Variants in PTPRG observed in about 807,000 individuals in gnomAD.
PTPRG encodes the protein receptor-type tyrosine-protein phosphatase gamma.
A neutral mutation model predicts 165.3 loss-of-function variants in PTPRG; 102 were observed. That is an observed-to-expected ratio of 0.62 (90% CI 0.53 to 0.73). The LOEUF (loss-of-function observed/expected upper bound fraction) is 0.73, where lower values mean the gene tolerates loss of function less well. Ranked by LOEUF, PTPRG falls within the 30% of genes least tolerant of loss-of-function variation. PTPRG has a pLI of 0.00. For synonymous variants in PTPRG, 675 were observed against 669.5 expected (o/e 1.01, Z -0.13); for missense variants, 1,866 against 1,861.4 (o/e 1.00, Z -0.05).
chr3:61,634,500 G>A (rs547774560), intron 1 of PTPRG, among the ~76,000 whole-genome samples: 1 of 151,902 alleles, frequency 6.6e-6, no homozygotes, highest in East Asian at 1.9e-4. Flanking sequence ...ACCTCCGAAA[G>A]TGTTGGGATT....
At chr3:61,866,623 C>T (rs538026922) in intron 2 of PTPRG, among the ~76,000 whole-genome samples, 21 of 71,500 alleles carry the variant, frequency 2.9e-4, no homozygotes, top group Middle Eastern at 0.031. Flanking sequence ...TTTTTTGAGA[C>T]GGAGTCTTGG....
intron 2 of PTPRG, among the ~76,000 whole-genome samples, chr3:61,751,972 T>C (rs2033451697): frequency 1.3e-5 from 2 of 151,734 alleles, no homozygotes; most frequent in South Asian, 4.2e-4. Context: ...CCAGCCTGGG[T>C]GACATAGCAT....
rs532697669 is a variant in PTPRG at position 61,572,551 on chromosome 3, G to A, written c.85+10179G>A. 4.1e-4 allele frequency among the ~76,000 whole-genome samples: 63 copies of A among 152,224 alleles called. 1 individual carries two copies. The highest frequency in any genetic ancestry group is 1.5e-3 in the African/African-American group (62 of 41,540). ...AAAAAATAAATTAAAAATTAAGAAT[G>A]CATTAAAAATCAGTCATTTTGCATT... On this transcript the variant is annotated intron_variant, in intron 1 of 29. Coordinates refer to ENST00000474889, the MANE Select transcript of PTPRG (RefSeq NM_002841.4).
At chr3:61,855,049 G>A (rs2037062300) in intron 2 of PTPRG, among the ~76,000 whole-genome samples, 1 of 152,072 alleles carries the variant, frequency 6.6e-6, no homozygotes, top group Admixed American at 6.6e-5. Context: ...TATTTTCACT[G>A]CATCAGAAGG....
intron 2 of PTPRG, among the ~76,000 whole-genome samples, chr3:61,888,152 A>G (rs1459519876): frequency 6.6e-6 from 1 of 152,194 alleles, no homozygotes; most frequent in Non-Finnish European, 1.5e-5. Context: ...GAAAAGTACA[A>G]AAACCGTCTG....
chr3:61,772,608 C>G (rs1380060416), intron 2 of PTPRG, among the ~76,000 whole-genome samples: 2 of 152,040 alleles, frequency 1.3e-5, no homozygotes, highest in Non-Finnish European at 2.9e-5. Context: ...TTGGTGACAT[C>G]ATTCTCTTCA....
chr3:61,995,909 C>T (rs1037280053), intron 3 of PTPRG, among the ~76,000 whole-genome samples: 1 of 151,958 alleles, frequency 6.6e-6, no homozygotes, highest in Non-Finnish European at 1.5e-5. Context: ...CGGATCTCTC[C>T]ACGAGCCTTT....
intron 5 of PTPRG, among the ~76,000 whole-genome samples, chr3:62,101,088 C>A (rs1032059662): frequency 3.3e-5 from 5 of 152,128 alleles, no homozygotes; most frequent in African/African-American, 1.2e-4. Flanking sequence ...GGGTTTGCTT[C>A]AGCATAATTG....
intron 1 of PTPRG, among the ~76,000 whole-genome samples, chr3:61,594,271 G>C (rs565324447): frequency 6.6e-6 from 1 of 151,938 alleles, no homozygotes; most frequent in African/African-American, 2.4e-5. Context: ...GGAGGGCGCC[G>C]GGTGGATTAC....
rs544328353 is a variant in PTPRG at position 61,848,112 on chromosome 3, C to A, written c.190+99130C>A. On this transcript the variant is annotated intron_variant, in intron 2 of 29. Transcript: ENST00000474889. ...CCTGGTTTTGAGCTGTGGCTGAGGACGTAGGCAATTCTCATGCACACTTTG... is the reference window on the plus strand; with the variant it reads ...CCTGGTTTTGAGCTGTGGCTGAGGAAGTAGGCAATTCTCATGCACACTTTG... Among the ~76,000 whole-genome samples, 8 of 152,300 alleles carry A rather than the reference C, an allele frequency of 5.3e-5. No individual in the cohort carries two copies. The East Asian group carries it at 1.5e-3, about 29-fold the overall frequency.
intron 2 of PTPRG, among the ~76,000 whole-genome samples, chr3:61,880,276 C>T (rs2037848185): frequency 6.6e-6 from 1 of 152,184 alleles, no homozygotes; most frequent in South Asian, 2.1e-4. Context: ...ACTATCTCCC[C>T]ACTGCTACCT....
In PTPRG at chr3:62,218,943, G is replaced by C. The variant is rs777373171; in HGVS notation, c.2248G>C (p.Val750Leu). The C allele has an allele frequency of 1.9e-6, 3 of 1,614,040 alleles. No individual in the cohort carries two copies. Among genetic ancestry groups the C allele is most frequent in the East Asian group, 4.5e-5 (2 of 44,860 alleles). ...PLIVVSALTFVCLILLIAVLV... is the reference protein window; with the variant it reads ...PLIVVSALTFLCLILLIAVLV... Reference sequence around the variant, plus strand: ...GATTGTGGTATCAGCCTTGACCTTCGTGTGCCTCATCCTTCTCATTGCTGT... The same window carrying C: ...GATTGTGGTATCAGCCTTGACCTTCCTGTGCCTCATCCTTCTCATTGCTGT... Residue 750 changes from valine (V) to leucine (L), a missense_variant, in exon 13 of 30, where the codon GTG becomes CTG. This residue lies in a region of PTPRG where 1,452 missense variants were observed against 1,463.0 expected (regional missense o/e 0.99). Transcript: ENST00000474889.
chr3:62,281,538 C>CGTTTTTTTTTTTTTTT, intron 26 of PTPRG, 25 bp from the exon 27 acceptor site: 1 of 620,526 alleles, frequency 1.6e-6, no homozygotes, highest in Non-Finnish European at 2.1e-6. Context: ...ACTGCAGAGG[C>CGTTTTTTTTTTTTTTT]TTTTTTTTTT....
In PTPRG at chr3:61,925,612, G is replaced by A. The variant is rs191249465; in HGVS notation, c.191-64013G>A. Among the ~76,000 whole-genome samples the A allele has an allele frequency of 9.2e-5, 14 of 152,142 alleles. No individual in the cohort carries two copies. The East Asian group carries it at 1.7e-3, about 19-fold the overall frequency. ...GCAAAAATTAGCCGGGCCTGGTGGC[G>A]TGTGCCTGTAATCCCAGCTACTCAG... On this transcript the variant is annotated intron_variant, in intron 2 of 29. Coordinates refer to ENST00000474889, the MANE Select transcript of PTPRG (RefSeq NM_002841.4).
intron 1 of PTPRG, among the ~76,000 whole-genome samples, chr3:61,562,635 T>G (rs1699790675): frequency 6.7e-6 from 1 of 148,470 alleles, no homozygotes; most frequent in African/African-American, 2.5e-5. Flanking sequence ...CGCTCCCTTT[T>G]GGGGGTCCTG....
At chr3:62,223,867 A>G (rs2106900980) in intron 13 of PTPRG, among the ~76,000 whole-genome samples, 1 of 152,314 alleles carries the variant, frequency 6.6e-6, no homozygotes, top group South Asian at 2.1e-4. Flanking sequence ...AGTTTCCAAT[A>G]TGTCCATTGC....
chr3:61,790,107 T>G (rs1439492108), intron 2 of PTPRG, among the ~76,000 whole-genome samples: 2 of 152,200 alleles, frequency 1.3e-5, no homozygotes, highest in Non-Finnish European at 1.5e-5. Flanking sequence ...TGGAGTAGAC[T>G]GGTGTGATCA....
intron 2 of PTPRG, among the ~76,000 whole-genome samples, chr3:61,966,229 T>C (rs9836440): frequency 0.24 from 36,644 of 152,144 alleles, 5,059 homozygotes; most frequent in African/African-American, 0.37. Context: ...TTTTTGATGC[T>C]GTGGAATGTG....
intron 1 of PTPRG, among the ~76,000 whole-genome samples, chr3:61,689,065 A>T (rs554867124): frequency 2.6e-5 from 4 of 152,340 alleles, no homozygotes; most frequent in Admixed American, 2.0e-4. Context: ...TCTGACTGCC[A>T]TTTGAGGACT....
Sources: gnomAD v4.1 joint callset for allele counts (sites outside exome capture counted in the v4.1 genomes callset) on GRCh38, gnomAD v4.1.1 for gene constraint, gnomAD v4.1.1 regional missense constraint, MANE v1.5 for transcripts, NCBI Gene and HGNC (gene_info 2026-07-23, HGNC 2026-07-21) for gene names.